Variants in ATRN observed in about 807,000 individuals in gnomAD.
ATRN encodes the protein attractin-2.
A neutral mutation model predicts 178.7 loss-of-function variants in ATRN; 54 were observed. That is an observed-to-expected ratio of 0.30 (90% confidence interval 0.24 to 0.38). The LOEUF is 0.38. Among genes scored for constraint, ATRN ranks in the 10% least tolerant of loss-of-function variants. The pLI, the probability that ATRN is intolerant of heterozygous loss-of-function variation, is 1.00. For missense variants in ATRN, 1,443 were observed against 1,815.1 expected (o/e 0.79, Z 3.73); for synonymous variants, 636 against 663.0 (o/e 0.96, Z 0.63).
intron 4 of ATRN, among the ~76,000 whole-genome samples, chr20:3,547,045 T>A (rs1257113820): frequency 6.6e-6 from 1 of 152,182 alleles, no homozygotes; most frequent in African/African-American, 2.4e-5. Flanking sequence ...TATGAGTTAT[T>A]TATTCTTATC....
At chr20:3,576,667 A>G (rs564222738) in intron 13 of ATRN, among the ~76,000 whole-genome samples, 192 bp from the exon 14 acceptor site, 7 of 129,098 alleles carry the variant, frequency 5.4e-5, no homozygotes, top group Non-Finnish European at 8.5e-5. Flanking sequence ...AGCTACTGCA[A>G]CTTATCTATC....
At chr20:3,582,982 C>A (rs958240840) in intron 16 of ATRN, among the ~76,000 whole-genome samples, 3 of 152,082 alleles carry the variant, frequency 2.0e-5, no homozygotes, top group South Asian at 2.1e-4. Flanking sequence ...TCAAAATAAG[C>A]CTCCTCCTCC....
chr20:3,577,678 C>A (rs1463561754), intron 14 of ATRN, among the ~76,000 whole-genome samples: 2 of 152,062 alleles, frequency 1.3e-5, no homozygotes, highest in South Asian at 2.1e-4. Context: ...CAGAGTGGGA[C>A]TCTTTTCTAT....
chr20:3,614,143 C>T lies in ATRN; in HGVS notation c.3801+9881C>T, dbSNP rs75371655. On this transcript the variant is annotated intron_variant, in intron 24 of 28. Transcript: ENST00000262919. Reference sequence around the variant, plus strand: ...AAAAGTCCTGTTTCTGGGAGGGTGGCGGGTGTGTTGGGGCCGGTTGTGCCT... The same window carrying T: ...AAAAGTCCTGTTTCTGGGAGGGTGGTGGGTGTGTTGGGGCCGGTTGTGCCT... Among the ~76,000 whole-genome samples, 291 of 152,190 alleles carry T rather than the reference C, an allele frequency of 1.9e-3. 2 individuals carry two copies. Among genetic ancestry groups the T allele is most frequent in the Non-Finnish European group, 2.7e-3 (186 of 67,986 alleles).
At chr20:3,616,505 T>C (rs1368323951) in intron 24 of ATRN, among the ~76,000 whole-genome samples, 1 of 148,276 alleles carries the variant, frequency 6.7e-6, no homozygotes, top group Non-Finnish European at 1.5e-5. Flanking sequence ...GGGAAGGGGG[T>C]GTTCGTGGTG....
At chr20:3,476,234 C>G (rs544422656) in intron 1 of ATRN, among the ~76,000 whole-genome samples, 51 of 152,302 alleles carry the variant, frequency 3.3e-4, no homozygotes, top group African/African-American at 1.2e-3. Context: ...TGAAGTTATT[C>G]CCATTTCACA....
At chr20:3,538,846 T>C (rs1339028585) in intron 2 of ATRN, among the ~76,000 whole-genome samples, 2 of 152,212 alleles carry the variant, frequency 1.3e-5, no homozygotes, top group East Asian at 3.9e-4. Flanking sequence ...TAAGGTTTTC[T>C]CTGTTTGCTG....
intron 1 of ATRN, among the ~76,000 whole-genome samples, chr20:3,485,680 G>A (rs1391655667): frequency 2.2e-5 from 3 of 137,684 alleles, no homozygotes; most frequent in African/African-American, 8.4e-5. Context: ...GGAGTGCAAT[G>A]GTGCGATCTT....
At chr20:3,592,138 G>C (rs1305976896) in intron 19 of ATRN, among the ~76,000 whole-genome samples, 1 of 152,168 alleles carries the variant, frequency 6.6e-6, no homozygotes, top group Non-Finnish European at 1.5e-5. Flanking sequence ...AGTGGCTCAC[G>C]CCTGTAATCC....
intron 1 of ATRN, among the ~76,000 whole-genome samples, chr20:3,523,269 A>G (rs765280385): frequency 1.3e-5 from 2 of 151,940 alleles, no homozygotes; most frequent in Non-Finnish European, 2.9e-5. Flanking sequence ...TGTGAAGCAT[A>G]CACAAGTATC....
At chr20:3,501,313 A>G (rs1435468829) in intron 1 of ATRN, among the ~76,000 whole-genome samples, 2 of 152,100 alleles carry the variant, frequency 1.3e-5, no homozygotes, top group East Asian at 1.9e-4. Flanking sequence ...TTGAAAATGT[A>G]TTTTCTGTTT....
intron 1 of ATRN, among the ~76,000 whole-genome samples, chr20:3,512,107 A>ATATTT: frequency 2.8e-5 from 3 of 106,390 alleles, no homozygotes; most frequent in East Asian, 2.3e-4. Context: ...ATATATATAT[A>ATATTT]TTTTTTTTTT....
chr20:3,495,164 G>C (rs569330825), intron 1 of ATRN, among the ~76,000 whole-genome samples: 1 of 151,800 alleles, frequency 6.6e-6, no homozygotes, highest in Non-Finnish European at 1.5e-5. Flanking sequence ...TATTTCTTTC[G>C]AATTTAAGAA....
At chr20:3,580,454 C>T (rs1238238483) in intron 15 of ATRN, among the ~76,000 whole-genome samples, 1 of 152,164 alleles carries the variant, frequency 6.6e-6, no homozygotes, top group Non-Finnish European at 1.5e-5. Context: ...GTGTAATGTC[C>T]TTCCACAGCT....
intron 15 of ATRN, among the ~76,000 whole-genome samples, chr20:3,581,487 A>G (rs1212372501): frequency 2.6e-5 from 4 of 152,224 alleles, no homozygotes; most frequent in Non-Finnish European, 5.9e-5. Context: ...CAAATGTGGT[A>G]TAAGTTGAAT....
At chr20:3,533,869 C>T (rs1352476658) in intron 1 of ATRN, among the ~76,000 whole-genome samples, 2 of 152,100 alleles carry the variant, frequency 1.3e-5, no homozygotes, top group Non-Finnish European at 2.9e-5. Context: ...TGTTGGCCAG[C>T]CTGATCTTGA....
chr20:3,590,136 A>G (rs2086419292), intron 18 of ATRN, among the ~76,000 whole-genome samples: 1 of 152,094 alleles, frequency 6.6e-6, no homozygotes, highest in Non-Finnish European at 1.5e-5. Flanking sequence ...TTTTTAGTAG[A>G]GACAGGGTTT....
At chr20:3,634,491 G>C in intron 26 of ATRN, 102 bp downstream of exon 26, 2 of 983,488 alleles carry the variant, frequency 2.0e-6, no homozygotes, top group Non-Finnish European at 3.1e-6. Flanking sequence ...ATAATGGACA[G>C]ACAGACATCT....
intron 15 of ATRN, among the ~76,000 whole-genome samples, 166 bp from the exon 16 acceptor site, chr20:3,581,969 G>A (rs1234960659): frequency 6.6e-6 from 1 of 152,122 alleles, no homozygotes; most frequent in African/African-American, 2.4e-5. Flanking sequence ...GCCAGGCATG[G>A]TGGCTCATGC....
Sources: allele counts gnomAD v4.1 joint callset (sites outside exome capture counted in the v4.1 genomes callset), GRCh38; gene constraint gnomAD v4.1.1; transcripts MANE v1.5; gene names NCBI Gene and HGNC (gene_info 2026-07-23, HGNC 2026-07-21).